Variants in DNM3 observed in about 807,000 individuals in gnomAD.
The protein encoded by DNM3 is dynamin-3.
Under a neutral mutation model 101.6 loss-of-function variants are expected in DNM3, and 47 were observed. The ratio of observed to expected loss-of-function variants is 0.46; its 90% CI spans 0.37 to 0.59. The LOEUF is 0.59. Ranked by LOEUF, DNM3 falls within the 20% of genes least tolerant of loss-of-function variation. The pLI is 0.00. For synonymous variants in DNM3, 385 were observed against 387.9 expected, an observed-to-expected ratio of 0.99 and a Z score of 0.09; for missense variants, 849 against 1,085.7, an observed-to-expected ratio of 0.78 and a Z score of 3.06.
Position 172,408,040 on chromosome 1 carries a change from C to A in DNM3, c.*199C>A. On this transcript the variant is annotated 3_prime_UTR_variant, in exon 21 of 21. Transcript: ENST00000627582. ...GGGGTTTGACTCAGAAACTGCTAACCTTTTAGAGGCTTTATATGTTGTACT... is the reference window on the plus strand; with the variant it reads ...GGGGTTTGACTCAGAAACTGCTAACATTTTAGAGGCTTTATATGTTGTACT... 7.0e-7 allele frequency: 1 copy of A among 1,425,274 alleles called. No individual in the cohort carries two copies. Among genetic ancestry groups the A allele is most frequent in the Non-Finnish European group, 9.2e-7 (1 of 1,089,590 alleles). The allele number at this position is 1,425,274 out of a possible 1,614,324, so 88.3% of individuals were successfully genotyped here.
intron 14 of DNM3, among the ~76,000 whole-genome samples, chr1:172,191,054 C>A (rs977103000): frequency 3.3e-5 from 5 of 152,052 alleles, no homozygotes; most frequent in African/African-American, 1.2e-4. Flanking sequence ...GCTTTTGTTG[C>A]CATTGCTTTT....
chr1:172,141,173 TC>T (rs2057557795), intron 14 of DNM3, among the ~76,000 whole-genome samples: 1 of 152,126 alleles, frequency 6.6e-6, no homozygotes, highest in Non-Finnish European at 1.5e-5. Flanking sequence ...TAATTATTTT[TC>T]CTAATTTACT....
At chr1:172,273,838 C>CTGGGGTA (rs1255608994) in intron 15 of DNM3, among the ~76,000 whole-genome samples, 2 of 152,004 alleles carry the variant, frequency 1.3e-5, no homozygotes, top group Non-Finnish European at 2.9e-5. Context: ...CTGAAAGAGT[C>CTGGGGTA]CTGTGTACCC....
intron 13 of DNM3, among the ~76,000 whole-genome samples, chr1:172,114,135 GA>G (rs2055715222): frequency 6.6e-6 from 1 of 152,160 alleles, no homozygotes; most frequent in Non-Finnish European, 1.5e-5. Flanking sequence ...TGGTTGCTAT[GA>G]GGAAAAGTGA....
rs139912635 is a variant in DNM3, at chr1:172,071,761, T to G, written c.1422+2856T>G. On this transcript the variant is annotated intron_variant, in intron 11 of 20. Transcript: ENST00000627582. Reference sequence around the variant, plus strand: ...TGGTGCTTCCATACATGTCACTGCATGTTGAAGCAGTGGACTTTCTGGGCA... The same window carrying G: ...TGGTGCTTCCATACATGTCACTGCAGGTTGAAGCAGTGGACTTTCTGGGCA... 3.5e-3 allele frequency among the ~76,000 whole-genome samples: 527 copies of G among 151,730 alleles called. 5 individuals carry two copies. Among genetic ancestry groups the G allele is most frequent in the African/African-American group, 0.012 (504 of 41,174 alleles).
intron 6 of DNM3, among the ~76,000 whole-genome samples, chr1:172,035,284 A>G (rs886951872): frequency 6.6e-6 from 1 of 152,154 alleles, no homozygotes; most frequent in Non-Finnish European, 1.5e-5. Context: ...GACACATCCA[A>G]GAGGAGAAGT....
intron 1 of DNM3, among the ~76,000 whole-genome samples, chr1:171,865,238 G>A (rs1240256655): frequency 1.3e-5 from 2 of 151,800 alleles, no homozygotes; most frequent in African/African-American, 4.8e-5. Flanking sequence ...AGGCAGGGCT[G>A]GGCGTGGTAG....
intron 14 of DNM3, among the ~76,000 whole-genome samples, chr1:172,250,006 G>T (rs965006594): frequency 3.3e-5 from 5 of 152,188 alleles, no homozygotes; most frequent in South Asian, 2.1e-4. Context: ...CAATATATAA[G>T]CTACTTAAAC....
intron 4 of DNM3, among the ~76,000 whole-genome samples, chr1:172,010,096 A>G (rs930205210): frequency 1.3e-5 from 2 of 151,842 alleles, no homozygotes; most frequent in Admixed American, 6.6e-5. Flanking sequence ...AGTTTATTTA[A>G]GTCTGAAGTT....
intron 4 of DNM3, among the ~76,000 whole-genome samples, chr1:172,002,930 G>A (rs1227000853): frequency 2.0e-5 from 3 of 151,874 alleles, no homozygotes; most frequent in Admixed American, 2.0e-4. Context: ...TTCCTTTTTT[G>A]CCACTGGGGG....
In DNM3 at chr1:172,068,833, C is replaced by T. The variant is rs1244105852; in HGVS notation, c.1350C>T (p.Pro450=). The T allele has an allele frequency of 6.4e-7, 1 of 1,572,196 alleles. No homozygotes were observed. Among genetic ancestry groups the T allele is most frequent in the Non-Finnish European group, 8.6e-7 (1 of 1,157,968 alleles). The change falls in exon 11 of 21, where the codon CCC becomes CCT. Residue 450 remains proline (P), a synonymous_variant. Transcript: ENST00000627582. ...TTTCTTGACAGCTGGCAAACTTCCCCAGACTCTGCGAGGAAACGGAAAGGA... is the reference window on the plus strand; with the variant it reads ...TTTCTTGACAGCTGGCAAACTTCCCTAGACTCTGCGAGGAAACGGAAAGGA... ...KKCTKKLANF[P]RLCEETERIV...
At chr1:171,852,761 G>C (rs958868088) in intron 1 of DNM3, among the ~76,000 whole-genome samples, 13 of 152,316 alleles carry the variant, frequency 8.5e-5, no homozygotes, top group South Asian at 4.1e-4. Flanking sequence ...AAATGGAATG[G>C]ATTGCCTGTG....
chr1:172,196,770 T>C (rs1309209054), intron 14 of DNM3, among the ~76,000 whole-genome samples: 1 of 152,134 alleles, frequency 6.6e-6, no homozygotes, highest in Non-Finnish European at 1.5e-5. Context: ...TTTTCTTTTG[T>C]AAATTTGTTT....
At chr1:172,276,026 T>C (rs1206263602) in intron 15 of DNM3, among the ~76,000 whole-genome samples, 6 of 152,092 alleles carry the variant, frequency 3.9e-5, no homozygotes, top group Non-Finnish European at 8.8e-5. Flanking sequence ...ATTTTATGTA[T>C]TACATATATA....
Position 172,096,683 on chromosome 1 carries a change from C to T in DNM3, c.1545+3808C>T, listed in dbSNP as rs892846496. ...AGTTAGCTTTCTGAGTATGAGTCAC[C>T]GTGGGAGTTTGAAGTAAAAATGTCC... On this transcript the variant is annotated intron_variant, in intron 13 of 20. Coordinates refer to ENST00000627582, the MANE Select transcript of DNM3 (RefSeq NM_015569.5). Among the ~76,000 whole-genome samples the T allele has an allele frequency of 4.6e-5, 7 of 151,950 alleles. No homozygotes were observed. In the East Asian group the frequency reaches 7.7e-4, roughly 17 times the overall value.
At chr1:172,098,124 G>A (rs370516130) in intron 13 of DNM3, among the ~76,000 whole-genome samples, 4 of 152,176 alleles carry the variant, frequency 2.6e-5, no homozygotes, top group East Asian at 1.9e-4. Context: ...GCAGACAACC[G>A]GTCTGACCAA....
intron 20 of DNM3, among the ~76,000 whole-genome samples, chr1:172,406,755 TGAGAAAGGACA>T (rs1558101423): frequency 2.0e-5 from 3 of 152,150 alleles, no homozygotes; most frequent in Non-Finnish European, 4.4e-5. Flanking sequence ...TCTTCATACC[TGAGAAAGGACA>T]TTCAATTTGA....
At chr1:172,304,357 C>T (rs960001372) in intron 15 of DNM3, among the ~76,000 whole-genome samples, 16 of 151,146 alleles carry the variant, frequency 1.1e-4, no homozygotes, top group African/African-American at 3.7e-4. Context: ...TATATATGCA[C>T]CCAATACAGG....
rs556151326 is a variant in DNM3 at position 171,956,450 on chromosome 1, T to G, written c.236-31206T>G. Among the ~76,000 whole-genome samples the G allele has an allele frequency of 3.9e-5, 6 of 152,256 alleles. No homozygotes were observed. The South Asian group carries it at 1.0e-3, about 26-fold the overall frequency. ...TTTGACTCCATGTCTCACATCCAGGTCACACTGATACAAGTGGGCTCCCAT... is the reference window on the plus strand; with the variant it reads ...TTTGACTCCATGTCTCACATCCAGGGCACACTGATACAAGTGGGCTCCCAT... On this transcript the variant is annotated intron_variant, in intron 2 of 20. Coordinates refer to ENST00000627582, the MANE Select transcript of DNM3 (RefSeq NM_015569.5).
Sources: allele counts gnomAD v4.1 joint callset (sites outside exome capture counted in the v4.1 genomes callset), GRCh38; gene constraint gnomAD v4.1.1; transcripts MANE v1.5; gene names NCBI Gene and HGNC (gene_info 2026-07-23, HGNC 2026-07-21).